NDST4: variants seen among roughly 807,000 people sequenced by gnomAD.
NDST4 encodes the protein N-heparan sulfate sulfotransferase 4.
A neutral mutation model predicts 100.8 loss-of-function variants in NDST4; 63 were observed. The observed-to-expected ratio is 0.62, with a 90% CI of 0.51 to 0.77. The LOEUF is 0.77. Among genes scored for constraint, NDST4 ranks in the 30% least tolerant of loss-of-function variants. NDST4 has a pLI of 0.00. For synonymous variants in NDST4, 377 were observed against 361.8 expected (o/e 1.04, Z -0.48); for missense variants, 943 against 1,018.4 (o/e 0.93, Z 1.01).
At chr4:115,028,213 A>G (rs780171432) in intron 2 of NDST4, among the ~76,000 whole-genome samples, 6 of 152,132 alleles carry the variant, frequency 3.9e-5, no homozygotes, top group Non-Finnish European at 7.4e-5. Flanking sequence ...GTTGGAAGTG[A>G]TGGAGACAAT....
At chr4:114,895,189 G>A (rs1274128694) in intron 6 of NDST4, among the ~76,000 whole-genome samples, 1 of 151,778 alleles carries the variant, frequency 6.6e-6, no homozygotes, top group African/African-American at 2.4e-5. Context: ...GAAAATCAAC[G>A]AATCCAGGAG....
intron 2 of NDST4, among the ~76,000 whole-genome samples, chr4:115,048,554 T>G (rs1454831683): frequency 6.6e-6 from 1 of 152,178 alleles, no homozygotes; most frequent in Non-Finnish European, 1.5e-5. Context: ...TTTTTAAGGC[T>G]TGATTACACG....
chr4:115,056,321 C>T (rs1366671081), intron 2 of NDST4, among the ~76,000 whole-genome samples: 1 of 152,066 alleles, frequency 6.6e-6, no homozygotes, highest in Non-Finnish European at 1.5e-5. Flanking sequence ...CCAGTCTGGG[C>T]AACAGGGTGA....
Position 114,970,477 on chromosome 4 carries a change from CGTT to C in NDST4, c.1171_1173del (p.Asn391del), listed in dbSNP as rs764749949. The C allele has an allele frequency of 5.0e-6, 8 of 1,613,886 alleles. No homozygotes were observed. The highest frequency in any genetic ancestry group is 3.3e-5 in the South Asian group (3 of 91,068). ...ATCATCTGCTCTACTAAAGATGACT[CGTT>C]GTGGAAGAGGTGGGGCTGCATGTGG... On this transcript the variant is annotated inframe_deletion, in exon 4 of 14. Coordinates refer to ENST00000264363, the MANE Select transcript of NDST4 (RefSeq NM_022569.3).
At chr4:114,854,975 A>G (rs966051661) in intron 7 of NDST4, among the ~76,000 whole-genome samples, 7 of 152,170 alleles carry the variant, frequency 4.6e-5, no homozygotes, top group Non-Finnish European at 7.3e-5. Context: ...GATATGTCTT[A>G]ACTGGGGTGA....
Position 114,935,142 on chromosome 4 carries a change from CA to C in NDST4, c.1536+63del, listed in dbSNP as rs1385269776. On this transcript the variant is annotated intron_variant, in intron 6 of 13. Transcript: ENST00000264363. Reference sequence around the variant, plus strand: ...AATAAATATGATTTAGTTTAAAAGACAGGAAAATAAAACACATTTAAAAATG... The same window carrying C: ...AATAAATATGATTTAGTTTAAAAGACGGAAAATAAAACACATTTAAAAATG... 3.2e-6 allele frequency: 4 copies of C among 1,256,896 alleles called. No homozygotes were observed. In the East Asian group the frequency reaches 8.4e-5, roughly 26 times the overall value. 77.9% of individuals were successfully genotyped at this position (1,256,896 alleles called of 1,614,324 possible). A position where few individuals can be genotyped will look rare whatever the true frequency, so the allele number is the denominator to read the frequency against.
At chr4:114,986,496 G>C (rs895192904) in intron 2 of NDST4, among the ~76,000 whole-genome samples, 16 of 151,952 alleles carry the variant, frequency 1.1e-4, no homozygotes, top group African/African-American at 3.9e-4. Flanking sequence ...TTCTCTCCCT[G>C]AGATCAGAAA....
At chr4:115,109,748 A>C (rs2110347548) in intron 1 of NDST4, among the ~76,000 whole-genome samples, 1 of 152,034 alleles carries the variant, frequency 6.6e-6, no homozygotes, top group East Asian at 1.9e-4. Context: ...GATATATCTA[A>C]AATAGCCTAT....
At chr4:114,994,070 G>C (rs1028310602) in intron 2 of NDST4, among the ~76,000 whole-genome samples, 1 of 151,846 alleles carries the variant, frequency 6.6e-6, no homozygotes, top group Non-Finnish European at 1.5e-5. Flanking sequence ...ATTCTGCTTT[G>C]TAAAAATTCA....
chr4:115,078,569 T>C (rs560463149), intron 1 of NDST4, among the ~76,000 whole-genome samples: 1 of 152,184 alleles, frequency 6.6e-6, no homozygotes, highest in Non-Finnish European at 1.5e-5. Flanking sequence ...TTAGGGTATC[T>C]GGTGGAAGAA....
At position 114,934,870 on chromosome 4, in the gene NDST4, T is replaced by A. The variant is rs180702086; in HGVS notation, c.1536+336A>T. On this transcript the variant is annotated intron_variant, in intron 6 of 13. Transcript: ENST00000264363. ...ATGTTGTACTGTAAAAATAAAAAAA[T>A]TTTATTTGTCAATTATACCTTCATA... Among the ~76,000 whole-genome samples the A allele has an allele frequency of 9.3e-4, 141 of 152,140 alleles. 2 individuals carry two copies. The highest frequency in any genetic ancestry group is 2.7e-3 in the African/African-American group (113 of 41,524).
chr4:114,904,882 C>A (rs537814596), intron 6 of NDST4, among the ~76,000 whole-genome samples: 1 of 151,794 alleles, frequency 6.6e-6, no homozygotes, highest in Non-Finnish European at 1.5e-5. Flanking sequence ...GTTATTCTTG[C>A]CTATCCATAC....
chr4:115,072,292 G>A (rs183736519), intron 2 of NDST4, among the ~76,000 whole-genome samples: 2 of 152,062 alleles, frequency 1.3e-5, no homozygotes, highest in East Asian at 3.9e-4. Context: ...ATGATCTGCA[G>A]ATTCAATACA....
rs1553959396 is a variant in NDST4 at position 114,986,830 on chromosome 4, A to ATATATATATATTTATTTATT, written c.979-9557_979-9556insAATAAATAAATATATATATA. ...TATATATATATATATATATATATATATATTTTAATATACTATTCCTATAAG... is the reference window on the plus strand; with the variant it reads ...TATATATATATATATATATATATATATATATATATATTTATTTATTTATTTTAATATACTATTCCTATAAG... On this transcript the variant is annotated intron_variant, in intron 2 of 13. Transcript: ENST00000264363. Among the ~76,000 whole-genome samples, 50 of 91,940 alleles carry ATATATATATATTTATTTATT rather than the reference A, an allele frequency of 5.4e-4. 1 individual carries two copies. The highest frequency in any genetic ancestry group is 2.1e-3 in the African/African-American group (48 of 23,302). The allele number at this position is 91,940 out of a possible 152,430, so 60.3% of individuals were successfully genotyped here.
chr4:114,939,920 T>C (rs180923599), intron 4 of NDST4, among the ~76,000 whole-genome samples: 5 of 152,300 alleles, frequency 3.3e-5, no homozygotes, highest in Admixed American at 3.3e-4. Flanking sequence ...AGCAACTCTT[T>C]TGCTATTATC....
intron 2 of NDST4, among the ~76,000 whole-genome samples, chr4:115,038,536 T>C (rs183823115): frequency 1.4e-4 from 21 of 152,264 alleles, no homozygotes; most frequent in African/African-American, 4.8e-4. Flanking sequence ...ATTCAACAAA[T>C]TTAAAAGCCC....
chr4:115,111,617 A>C (rs1376056152), intron 1 of NDST4, among the ~76,000 whole-genome samples: 2 of 151,634 alleles, frequency 1.3e-5, no homozygotes, highest in African/African-American at 2.4e-5. Flanking sequence ...AAAAAATTCA[A>C]ATTTTCAGGA....
At position 115,076,881 on chromosome 4, in the gene NDST4, G is replaced by A; in HGVS notation, c.156C>T (p.Cys52=). ...TLIETTAEAE[C]TDIKILPYRS... ...TATATGGTAGAATTTTGATGTCAGT[G>A]CATTCTGCTTCTGCAGTGGTTTCAA... The change falls in exon 2 of 14, where the codon TGC becomes TGT. Residue 52 remains cysteine (C), a synonymous_variant. Coordinates refer to ENST00000264363, the MANE Select transcript of NDST4 (RefSeq NM_022569.3). The A allele has an allele frequency of 6.2e-7, 1 of 1,613,788 alleles. No homozygotes were observed. The highest frequency in any genetic ancestry group is 8.5e-7 in the Non-Finnish European group (1 of 1,179,866).
intron 4 of NDST4, among the ~76,000 whole-genome samples, chr4:114,944,260 G>A (rs768572512): frequency 1.3e-5 from 2 of 152,190 alleles, no homozygotes; most frequent in Non-Finnish European, 2.9e-5. Flanking sequence ...AAAGAGTGAA[G>A]TGGATATTTA....
Sources: allele counts gnomAD v4.1 joint callset (sites outside exome capture counted in the v4.1 genomes callset), GRCh38; gene constraint gnomAD v4.1.1; transcripts MANE v1.5; gene names NCBI Gene and HGNC (gene_info 2026-07-23, HGNC 2026-07-21).